Variants in PRPSAP1 observed in about 807,000 individuals in gnomAD.
PRPSAP1 encodes phosphoribosyl pyrophosphate synthetase associated protein 1, also known as phosphoribosyl pyrophosphate synthase-associated protein 1.
Under a neutral mutation model 39.4 loss-of-function variants are expected in PRPSAP1, and 31 were observed. That is an observed-to-expected ratio of 0.79 (90% CI 0.59 to 1.06). PRPSAP1 has a LOEUF of 1.06. Ranked by LOEUF, PRPSAP1 falls within the 50% of genes least tolerant of loss-of-function variation. The probability of loss-of-function intolerance (pLI) is 0.00; values close to 1 mark genes in which losing one functional copy is unlikely to be tolerated. For missense variants in PRPSAP1, 430 were observed against 511.6 expected, an observed-to-expected ratio of 0.84 and a Z score of 1.54; for synonymous variants, 212 against 192.6, an observed-to-expected ratio of 1.10 and a Z score of -0.83.
intron 6 of PRPSAP1, among the ~76,000 whole-genome samples, 157 bp downstream of exon 6, chr17:76,329,886 G>C (rs2071302392): frequency 6.6e-6 from 1 of 152,176 alleles, no homozygotes; most frequent in Admixed American, 6.5e-5. Flanking sequence ...TGGAGATAAA[G>C]CTGTGTGTGG....
intron 7 of PRPSAP1, among the ~76,000 whole-genome samples, chr17:76,327,185 T>TA (rs2071264205): frequency 6.7e-6 from 1 of 150,200 alleles, no homozygotes; most frequent in Non-Finnish European, 1.5e-5. Context: ...CTGTCTCTAC[T>TA]AAAAATACAA....
intron 1 of PRPSAP1, among the ~76,000 whole-genome samples, chr17:76,350,117 A>G (rs2071551547): frequency 6.6e-6 from 1 of 150,800 alleles, no homozygotes; most frequent in Non-Finnish European, 1.5e-5. Context: ...ATACACATAC[A>G]ATGGAATATT....
chr17:76,346,128 A>G (rs913664000), intron 2 of PRPSAP1: 2 of 304,576 alleles, frequency 6.6e-6, no homozygotes, highest in Admixed American at 7.2e-5. Flanking sequence ...ATAACTGTGT[A>G]CTTCTGGTGA....
At chr17:76,344,252 T>C (rs537400132) in intron 3 of PRPSAP1, among the ~76,000 whole-genome samples, 1 of 152,166 alleles carries the variant, frequency 6.6e-6, no homozygotes, top group South Asian at 2.1e-4. Flanking sequence ...CTCAGCCTCC[T>C]AAGTAGCTGG....
Position 76,321,474 on chromosome 17 carries a change from G to C in PRPSAP1, c.781+7243C>G, listed in dbSNP as rs574563179. Among the ~76,000 whole-genome samples the C allele has an allele frequency of 6.6e-5, 10 of 152,038 alleles. No individual in the cohort carries two copies. In the South Asian group the frequency reaches 1.7e-3, roughly 25 times the overall value. On this transcript the variant is annotated intron_variant, in intron 7 of 9. Coordinates refer to ENST00000446526, the MANE Select transcript of PRPSAP1 (RefSeq NM_002766.3). Reference sequence around the variant, plus strand: ...GAGAATTACTTGGACCCGGGAGGCGGAGGTTGCAGTGAGCCGAGAGCCAGA... The same window carrying C: ...GAGAATTACTTGGACCCGGGAGGCGCAGGTTGCAGTGAGCCGAGAGCCAGA...
intron 7 of PRPSAP1, among the ~76,000 whole-genome samples, chr17:76,324,571 A>C (rs148392740): frequency 6.6e-6 from 1 of 151,644 alleles, no homozygotes; most frequent in Non-Finnish European, 1.5e-5. Context: ...ACTGCACTCC[A>C]GCCTGGGCAA....
In PRPSAP1 at chr17:76,327,063, T is replaced by C. The variant is rs562140873; in HGVS notation, c.781+1654A>G. ...AAAATAAAAAGCTAAAAATGCAGAT[T>C]ACGGCTTGGCACGGTGGCTCACACC... is the stretch of plus-strand genomic sequence containing the variant. On this transcript the variant is annotated intron_variant, in intron 7 of 9. Transcript: ENST00000446526. 2.0e-5 allele frequency among the ~76,000 whole-genome samples: 3 copies of C among 152,300 alleles called. No homozygotes were observed. In the East Asian group the frequency reaches 5.8e-4, roughly 29 times the overall value.
intron 9 of PRPSAP1, 21 bp downstream of exon 9, chr17:76,312,849 A>G: frequency 6.3e-7 from 1 of 1,591,852 alleles, no homozygotes; most frequent in African/African-American, 1.4e-5. Context: ...ATCTTGGCTC[A>G]AGATTTAGAA....
chr17:76,330,400 C>G, intron 5 of PRPSAP1, 151 bp downstream of exon 5: 1 of 646,946 alleles, frequency 1.5e-6, no homozygotes, highest in South Asian at 2.1e-5. Context: ...TGATCGTCCA[C>G]GACTAAAGCT....
chr17:76,341,247 T>G lies in PRPSAP1; in HGVS notation c.290+3424A>C, dbSNP rs988959503. 6.7e-4 allele frequency among the ~76,000 whole-genome samples: 100 copies of G among 149,590 alleles called. 3 individuals carry two copies. In the South Asian group the frequency reaches 0.019, roughly 28 times the overall value. Reference sequence around the variant, plus strand: ...TGACTTTTTTTTGTTTTTTTTTTTTTTTTTTTTTGAGATAAGATCTGGCTC... The same window carrying G: ...TGACTTTTTTTTGTTTTTTTTTTTTGTTTTTTTTGAGATAAGATCTGGCTC... On this transcript the variant is annotated intron_variant, in intron 3 of 9. Coordinates refer to ENST00000446526, the MANE Select transcript of PRPSAP1 (RefSeq NM_002766.3).
At chr17:76,329,042 G>C (rs1307677966) in intron 6 of PRPSAP1, 180 bp from the exon 7 acceptor site, 1 of 658,226 alleles carries the variant, frequency 1.5e-6, no homozygotes, top group African/African-American at 1.9e-5. Flanking sequence ...GGGCACGTGA[G>C]TTAGGGTTTG....
chr17:76,315,917 C>T (rs900265577), intron 7 of PRPSAP1, among the ~76,000 whole-genome samples: 2 of 151,336 alleles, frequency 1.3e-5, no homozygotes, highest in African/African-American at 4.9e-5. Flanking sequence ...GGTTTCACCA[C>T]GTTGGCCAGG....
intron 3 of PRPSAP1, among the ~76,000 whole-genome samples, chr17:76,336,283 C>T (rs1453991690): frequency 6.6e-6 from 1 of 152,000 alleles, no homozygotes; most frequent in African/African-American, 2.4e-5. Flanking sequence ...ACTAAAAATT[C>T]AAAACTTAGC....
intron 2 of PRPSAP1, among the ~76,000 whole-genome samples, chr17:76,347,893 T>A (rs2071527631): frequency 6.6e-6 from 1 of 152,054 alleles, no homozygotes; most frequent in Admixed American, 6.6e-5. Flanking sequence ...AATGGGTGGA[T>A]CAAAGATGAG....
intron 7 of PRPSAP1, among the ~76,000 whole-genome samples, chr17:76,321,200 C>G (rs957657565): frequency 2.0e-5 from 3 of 152,062 alleles, no homozygotes; most frequent in Non-Finnish European, 2.9e-5. Flanking sequence ...TATCTGTAAT[C>G]AGTGATCTTG....
At chr17:76,350,657 A>G (rs747151237) in intron 1 of PRPSAP1, among the ~76,000 whole-genome samples, 107 of 152,272 alleles carry the variant, frequency 7.0e-4, no homozygotes, top group Admixed American at 1.8e-3. Context: ...GGGATGATGA[A>G]AAGTTCTGGA....
Position 76,344,708 on chromosome 17 carries a change from G to C in PRPSAP1, c.253C>G (p.Arg85Gly). 1 of 1,582,604 alleles carries C rather than the reference G, an allele frequency of 6.3e-7. No individual in the cohort carries two copies. Among genetic ancestry groups the C allele is most frequent in the East Asian group, 2.2e-5 (1 of 44,708 alleles). ...ETRVEIKESV[R>G]GQDIFIIQTI... ...TGTATAATGAAAATATCTTGGCCAC[G>C]AACAGATTCTTTTATTTCAACTCTT... The change falls in exon 3 of 10, where the codon CGT becomes GGT. Residue 85 changes from arginine (R) to glycine (G), a missense_variant. Coordinates refer to ENST00000446526, the MANE Select transcript of PRPSAP1 (RefSeq NM_002766.3).
intron 2 of PRPSAP1, among the ~76,000 whole-genome samples, chr17:76,347,503 AAAAAAAAAAG>A (rs1486849440): frequency 1.9e-4 from 28 of 150,738 alleles, no homozygotes; most frequent in Admixed American, 1.0e-3. Context: ...AAAAAAAAAA[AAAAAAAAAAG>A]AAAGCAGACA....
chr17:76,330,729 T>A, intron 4 of PRPSAP1, 63 bp from the exon 5 acceptor site: 1 of 1,006,030 alleles, frequency 9.9e-7, no homozygotes, highest in Non-Finnish European at 1.5e-6. Context: ...ACAGTGGACC[T>A]AAACTAGATG....
Sources: gnomAD v4.1 joint callset for allele counts (sites outside exome capture counted in the v4.1 genomes callset) on GRCh38, gnomAD v4.1.1 for gene constraint, MANE v1.5 for transcripts, NCBI Gene and HGNC (gene_info 2026-07-23, HGNC 2026-07-21) for gene names.